The following LYN variants were observed in gnomAD, a reference collection of about 807,000 sequenced individuals.
LYN encodes the protein tyrosine-protein kinase Lyn.
Under a neutral mutation model 65.0 loss-of-function variants are expected in LYN, and 12 were observed. The observed-to-expected ratio is 0.18, with a 90% CI of 0.12 to 0.30. The LOEUF (loss-of-function observed/expected upper bound fraction) is 0.30. Ranked by LOEUF, LYN falls within the 10% of genes least tolerant of loss-of-function variation. The pLI is 1.00. For synonymous variants in LYN, 222 were observed against 221.2 expected (o/e 1.00, Z -0.03); for missense variants, 380 against 623.2 (o/e 0.61, Z 4.16).
intron 10 of LYN, among the ~76,000 whole-genome samples, chr8:55,997,069 G>A (rs1413543710): frequency 5.9e-5 from 9 of 151,808 alleles, no homozygotes; most frequent in Non-Finnish European, 1.2e-4. Flanking sequence ...GCTGAGGAAG[G>A]AGAATCACTT....
At chr8:55,921,266 G>A (rs770568875) in intron 1 of LYN, among the ~76,000 whole-genome samples, 3 of 152,200 alleles carry the variant, frequency 2.0e-5, no homozygotes, top group Non-Finnish European at 4.4e-5. Context: ...AACAACTGGT[G>A]CTTTGTTGCT....
chr8:56,010,706 T>A lies in LYN; in HGVS notation c.*596T>A. On this transcript the variant is annotated 3_prime_UTR_variant, in exon 13 of 13. Coordinates refer to ENST00000519728, the MANE Select transcript of LYN (RefSeq NM_002350.4). The stretch of plus-strand genomic sequence containing the variant: ...TCTGAGACTGTTAAAACATTTTTCT[T>A]CTATGAACACTGCTCAGACCTGCTA... 4.3e-6 allele frequency: 1 copy of A among 232,886 alleles called. No individual in the cohort carries two copies. The allele number at this position is 232,886 out of a possible 1,614,324, so 14.4% of individuals were successfully genotyped here.
chr8:55,933,679 TC>T (rs1237540158), intron 1 of LYN, among the ~76,000 whole-genome samples: 1 of 152,218 alleles, frequency 6.6e-6, no homozygotes, highest in East Asian at 1.9e-4. Flanking sequence ...CAGACAGGCT[TC>T]CTGAGTTCAA....
chr8:55,985,564 T>C (rs575731205), intron 10 of LYN, among the ~76,000 whole-genome samples: 1 of 152,372 alleles, frequency 6.6e-6, no homozygotes, highest in African/African-American at 2.4e-5. Flanking sequence ...GCTGTCTTTA[T>C]ACAGGAATTC....
intron 1 of LYN, among the ~76,000 whole-genome samples, chr8:55,896,529 T>A (rs370920864): frequency 1.3e-5 from 2 of 151,604 alleles, no homozygotes; most frequent in African/African-American, 4.9e-5. Context: ...AAGGGAGAGA[T>A]GGCATTAGGA....
intron 9 of LYN, among the ~76,000 whole-genome samples, chr8:55,967,388 C>T (rs981685867): frequency 1.4e-5 from 2 of 143,444 alleles, no homozygotes; most frequent in African/African-American, 2.6e-5. Flanking sequence ...AATCTCTGCT[C>T]ACTGCAACCC....
intron 10 of LYN, among the ~76,000 whole-genome samples, chr8:55,996,125 C>T (rs935944996): frequency 6.6e-6 from 1 of 152,204 alleles, no homozygotes; most frequent in African/African-American, 2.4e-5. Flanking sequence ...AACTGGCTAA[C>T]ATGACACCAC....
chr8:56,004,184 G>C (rs1256731177), intron 12 of LYN, among the ~76,000 whole-genome samples: 1 of 151,142 alleles, frequency 6.6e-6, no homozygotes, highest in Non-Finnish European at 1.5e-5. Context: ...TGCCTGCTTT[G>C]GCCTCCCAAA....
At chr8:56,009,855 C>T in intron 12 of LYN, 53 bp from the exon 13 acceptor site, 2 of 1,475,130 alleles carry the variant, frequency 1.4e-6, no homozygotes, top group Non-Finnish European at 1.9e-6. Context: ...TGACCCTCTG[C>T]CAGGTTTCTA....
At chr8:55,990,054 C>T (rs1273824106) in intron 10 of LYN, among the ~76,000 whole-genome samples, 8 of 151,982 alleles carry the variant, frequency 5.3e-5, no homozygotes, top group African/African-American at 1.9e-4. Flanking sequence ...GCCTGGCCAA[C>T]ATGGCAAAAC....
chr8:55,885,752 G>A (rs1259455698), intron 1 of LYN, among the ~76,000 whole-genome samples: 1 of 152,226 alleles, frequency 6.6e-6, no homozygotes, highest in African/African-American at 2.4e-5. Context: ...GGGAAGCTGT[G>A]TCACGGAGAG....
Position 55,950,663 on chromosome 8 carries a change from G to A in LYN, c.384-18G>A. On this transcript the variant is annotated intron_variant, in intron 5 of 12. Coordinates refer to ENST00000519728, the MANE Select transcript of LYN (RefSeq NM_002350.4). ...CCGTGGAACATAATATGCAGGAAAT[G>A]TTGAAATGTCTTCACAGGTGGTTTT... 1 of 1,599,538 alleles carries A rather than the reference G, an allele frequency of 6.3e-7. No homozygotes were observed. Among genetic ancestry groups the A allele is most frequent in the South Asian group, 1.1e-5 (1 of 90,720 alleles).
At chr8:55,886,727 C>A (rs1804807758) in intron 1 of LYN, among the ~76,000 whole-genome samples, 1 of 152,126 alleles carries the variant, frequency 6.6e-6, no homozygotes, top group Non-Finnish European at 1.5e-5. Flanking sequence ...TTGGCCAGCT[C>A]CATCAGAGTT....
chr8:55,892,710 A>G (rs571827423), intron 1 of LYN, among the ~76,000 whole-genome samples: 1 of 152,286 alleles, frequency 6.6e-6, no homozygotes, highest in African/African-American at 2.4e-5. Context: ...GCCTTGCCAA[A>G]GAAAGAATAT....
intron 2 of LYN, among the ~76,000 whole-genome samples, chr8:55,942,335 ATATATATGTG>A (rs1806638321): frequency 7.0e-6 from 1 of 142,520 alleles, no homozygotes; most frequent in South Asian, 2.2e-4. Context: ...ATATGTGTAT[ATATATATGTG>A]TATATATATG....
chr8:55,921,161 T>C (rs935976506), intron 1 of LYN, among the ~76,000 whole-genome samples: 2 of 152,254 alleles, frequency 1.3e-5, no homozygotes, highest in Middle Eastern at 3.2e-3. Flanking sequence ...ACCAAATACA[T>C]TGTAGCTAAT....
At chr8:55,894,556 G>C (rs1350499001) in intron 1 of LYN, among the ~76,000 whole-genome samples, 1 of 149,430 alleles carries the variant, frequency 6.7e-6, no homozygotes, top group Non-Finnish European at 1.5e-5. Context: ...TTTTTTTGAC[G>C]GAGTCTTGTT....
At chr8:55,902,388 C>T (rs1277041703) in intron 1 of LYN, among the ~76,000 whole-genome samples, 10 of 145,636 alleles carry the variant, frequency 6.9e-5, no homozygotes, top group Non-Finnish European at 6.0e-5. Flanking sequence ...AGTGCAGTGG[C>T]GTGAATTCAG....
At chr8:55,976,774 G>C (rs938562994) in intron 10 of LYN, among the ~76,000 whole-genome samples, 7 of 152,174 alleles carry the variant, frequency 4.6e-5, no homozygotes, top group Non-Finnish European at 8.8e-5. Flanking sequence ...TGGCTGCAGG[G>C]ATGGGTCTTC....
Sources: gnomAD v4.1 joint callset for allele counts (sites outside exome capture counted in the v4.1 genomes callset) on GRCh38, gnomAD v4.1.1 for gene constraint, MANE v1.5 for transcripts, NCBI Gene and HGNC (gene_info 2026-07-23, HGNC 2026-07-21) for gene names.